The following SLC24A2 variants were observed in gnomAD, a reference collection of about 807,000 sequenced individuals.
SLC24A2 encodes the protein sodium/potassium/calcium exchanger 2.
Under a neutral mutation model 62.0 loss-of-function variants are expected in SLC24A2, and 36 were observed. The observed-to-expected ratio is 0.58, with a 90% CI of 0.44 to 0.77. SLC24A2 has a LOEUF of 0.77. Ranked by LOEUF, SLC24A2 falls within the 30% of genes least tolerant of loss-of-function variation. SLC24A2 has a pLI of 0.00. For synonymous variants in SLC24A2, 358 were observed against 294.0 expected (o/e 1.22, Z -2.23); for missense variants, 846 against 817.9 (o/e 1.03, Z -0.42).
chr9:19,636,318 T>TCTTTTCTTTTCTTTC (rs1554690366), intron 2 of SLC24A2, among the ~76,000 whole-genome samples: 1 of 32,220 alleles, frequency 3.1e-5, no homozygotes, highest in African/African-American at 1.2e-4. Context: ...TCTTTTCTTT[T>TCTTTTCTTTTCTTTC]CTTTCTTTCT....
chr9:20,256,049 G>A, the SLC24A2 span, among the ~76,000 whole-genome samples: 2 of 152,190 alleles, frequency 1.3e-5, no homozygotes, highest in East Asian at 1.9e-4. Flanking sequence ...AGGGCAGAGA[G>A]TGAGAGAGAG....
At chr9:19,804,081 A>T in the SLC24A2 span, among the ~76,000 whole-genome samples, 1 of 152,134 alleles carries the variant, frequency 6.6e-6, no homozygotes. Flanking sequence ...CGTTATTTTC[A>T]GTATTGTTTT....
intron 5 of SLC24A2, among the ~76,000 whole-genome samples, chr9:19,581,663 T>C (rs1836214227): frequency 6.6e-6 from 1 of 152,204 alleles, no homozygotes; most frequent in Non-Finnish European, 1.5e-5. Flanking sequence ...AAGATTGATA[T>C]TTAAAATAGA....
chr9:19,517,127 G>A (rs1004403501), intron 10 of SLC24A2, among the ~76,000 whole-genome samples: 2 of 151,924 alleles, frequency 1.3e-5, no homozygotes, highest in Non-Finnish European at 1.5e-5. Flanking sequence ...GTTTCCTATC[G>A]AGAGTGGTGA....
At chr9:19,719,341 T>C (rs1820956493) in intron 2 of SLC24A2, among the ~76,000 whole-genome samples, 2 of 152,224 alleles carry the variant, frequency 1.3e-5, no homozygotes, top group Non-Finnish European at 2.9e-5. Flanking sequence ...TGCTACCTGG[T>C]TGTAATTTCT....
chr9:20,080,392 A>C, the SLC24A2 span, among the ~76,000 whole-genome samples: 2 of 152,252 alleles, frequency 1.3e-5, no homozygotes, highest in Non-Finnish European at 2.9e-5. Context: ...TTCCTTATTT[A>C]ATAAATGGTG....
chr9:20,258,558 C>T, the SLC24A2 span, among the ~76,000 whole-genome samples: 747 of 152,292 alleles, frequency 4.9e-3, 1 homozygote, highest in Middle Eastern at 0.014. Context: ...TGTCCTCAGA[C>T]GTCAGCACTC....
chr9:19,838,749 T>C, the SLC24A2 span, among the ~76,000 whole-genome samples: 2 of 142,814 alleles, frequency 1.4e-5, no homozygotes, highest in Non-Finnish European at 3.1e-5. Context: ...CCATTGTAAA[T>C]AAAATTGTTT....
At chr9:19,604,211 G>C (rs1836922449) in intron 4 of SLC24A2, among the ~76,000 whole-genome samples, 2 of 152,128 alleles carry the variant, frequency 1.3e-5, no homozygotes, top group African/African-American at 4.8e-5. Flanking sequence ...TAATTCCACA[G>C]CTTCAACTAT....
At chr9:20,084,217 T>C in the SLC24A2 span, among the ~76,000 whole-genome samples, 1 of 152,234 alleles carries the variant, frequency 6.6e-6, no homozygotes. Flanking sequence ...GCTGAATAAC[T>C]AACATTTTAA....
the SLC24A2 span, among the ~76,000 whole-genome samples, chr9:20,079,700 T>C: frequency 1.6e-4 from 24 of 152,352 alleles, no homozygotes; most frequent in African/African-American, 5.8e-4. Context: ...CAACTGTGAA[T>C]GGGAGTTCAC....
the SLC24A2 span, among the ~76,000 whole-genome samples, chr9:20,179,241 C>T: frequency 6.6e-6 from 1 of 152,100 alleles, no homozygotes; most frequent in East Asian, 1.9e-4. Flanking sequence ...ACCACTCAGG[C>T]ATATTGCCCT....
the SLC24A2 span, among the ~76,000 whole-genome samples, chr9:20,141,573 T>C: frequency 1.3e-5 from 2 of 151,860 alleles, no homozygotes; most frequent in African/African-American, 2.4e-5. Context: ...CTGGCTGATA[T>C]TCTGATCATT....
intron 4 of SLC24A2, among the ~76,000 whole-genome samples, chr9:19,614,909 G>A (rs1479401243): frequency 1.3e-5 from 2 of 151,926 alleles, no homozygotes; most frequent in Non-Finnish European, 2.9e-5. Flanking sequence ...CTCCAATGAT[G>A]CCACATGGAA....
At chr9:20,306,680 T>G in the SLC24A2 span, among the ~76,000 whole-genome samples, 1 of 152,154 alleles carries the variant, frequency 6.6e-6, no homozygotes, top group Admixed American at 6.5e-5. Flanking sequence ...TTACAGTCCT[T>G]AATGTTATTT....
the SLC24A2 span, among the ~76,000 whole-genome samples, chr9:20,072,426 G>C: frequency 6.6e-6 from 1 of 151,882 alleles, no homozygotes; most frequent in Non-Finnish European, 1.5e-5. Context: ...AAGTACCCGA[G>C]GATTATAATA....
At chr9:19,674,772 CA>C (rs759521416) in intron 2 of SLC24A2, among the ~76,000 whole-genome samples, 1 of 152,000 alleles carries the variant, frequency 6.6e-6, no homozygotes, top group African/African-American at 2.4e-5. Context: ...GTATCTTTTT[CA>C]AAATTTCATT....
At chr9:20,197,778 A>T in the SLC24A2 span, among the ~76,000 whole-genome samples, 1 of 152,118 alleles carries the variant, frequency 6.6e-6, no homozygotes, top group Non-Finnish European at 1.5e-5. Context: ...TTTGTCAGTG[A>T]GGACATAAAC....
the SLC24A2 span, among the ~76,000 whole-genome samples, chr9:20,287,341 C>A: frequency 2.5e-3 from 383 of 152,252 alleles, 4 homozygotes; most frequent in African/African-American, 8.9e-3. Context: ...TGAACAGACC[C>A]ATGGGAGGCT....
Sources: allele counts gnomAD v4.1 joint callset (sites outside exome capture counted in the v4.1 genomes callset), GRCh38; gene constraint gnomAD v4.1.1; transcripts MANE v1.5; gene names NCBI Gene and HGNC (gene_info 2026-07-23, HGNC 2026-07-21).